The following FCHSD2 variants were observed in gnomAD, a reference collection of about 807,000 sequenced individuals.
The protein encoded by FCHSD2 is F-BAR and double SH3 domains protein 2.
Under a neutral mutation model 108.1 loss-of-function variants are expected in FCHSD2, and 38 were observed. The observed-to-expected ratio is 0.35, with a 90% CI of 0.27 to 0.46. The LOEUF (loss-of-function observed/expected upper bound fraction) is 0.46, where lower values mean the gene tolerates loss of function less well. FCHSD2 is among the 20% of genes least tolerant of loss of function. The probability of loss-of-function intolerance (pLI) is 1.00; values close to 1 mark genes in which losing one functional copy is unlikely to be tolerated. For synonymous variants in FCHSD2, 279 were observed against 314.7 expected, an observed-to-expected ratio of 0.89 and a Z score of 1.20; for missense variants, 751 against 897.8, an observed-to-expected ratio of 0.84 and a Z score of 2.09.
chr11:72,930,759 A>G (rs1856172998), intron 8 of FCHSD2, among the ~76,000 whole-genome samples: 1 of 152,138 alleles, frequency 6.6e-6, no homozygotes, highest in Non-Finnish European at 1.5e-5. Flanking sequence ...AAAACAAAAC[A>G]AAATGTAATT....
At chr11:72,981,433 A>T (rs1857214083) in intron 8 of FCHSD2, among the ~76,000 whole-genome samples, 1 of 152,230 alleles carries the variant, frequency 6.6e-6, no homozygotes, top group African/African-American at 2.4e-5. Context: ...ATTGAAGGCC[A>T]TCTTTTTTAG....
chr11:72,925,441 G>A (rs1271366389), intron 8 of FCHSD2, among the ~76,000 whole-genome samples: 1 of 152,148 alleles, frequency 6.6e-6, no homozygotes, highest in Non-Finnish European at 1.5e-5. Flanking sequence ...CAGGAAGACT[G>A]TTTGAGCCCA....
intron 4 of FCHSD2, among the ~76,000 whole-genome samples, chr11:73,013,892 C>T (rs1175774200): frequency 6.6e-6 from 1 of 152,190 alleles, no homozygotes; most frequent in African/African-American, 2.4e-5. Context: ...GGATTGCAGG[C>T]ATGAGCCACC....
intron 8 of FCHSD2, among the ~76,000 whole-genome samples, chr11:72,981,120 A>G (rs1056826299): frequency 6.6e-6 from 1 of 152,214 alleles, no homozygotes. Flanking sequence ...CTATAGAATT[A>G]GCATGAGGAA....
chr11:73,131,652 CA>C (rs1158050351), intron 2 of FCHSD2, among the ~76,000 whole-genome samples: 1 of 150,014 alleles, frequency 6.7e-6, no homozygotes, highest in East Asian at 1.9e-4. Context: ...TGCAGTAAGC[CA>C]AGATCGCACC....
intron 10 of FCHSD2, among the ~76,000 whole-genome samples, chr11:72,890,539 T>C (rs1469854402): frequency 2.6e-5 from 4 of 152,204 alleles, no homozygotes; most frequent in African/African-American, 9.6e-5. Context: ...CTAGATCAAA[T>C]GATCACCAAG....
intron 4 of FCHSD2, among the ~76,000 whole-genome samples, chr11:73,014,680 C>T (rs1857931999): frequency 6.6e-6 from 1 of 152,110 alleles, no homozygotes; most frequent in Admixed American, 6.6e-5. Flanking sequence ...ATACTAAGTT[C>T]TCAATTACCC....
At chr11:72,878,458 C>CAT (rs1189735060) in intron 12 of FCHSD2, among the ~76,000 whole-genome samples, 1 of 152,166 alleles carries the variant, frequency 6.6e-6, no homozygotes, top group African/African-American at 2.4e-5. Flanking sequence ...TGTCTAAATA[C>CAT]CATTTTCTAT....
At chr11:73,005,993 G>A (rs370091016) in intron 4 of FCHSD2, among the ~76,000 whole-genome samples, 53 of 147,374 alleles carry the variant, frequency 3.6e-4, no homozygotes, top group African/African-American at 1.3e-3. Context: ...CTACAGCCTC[G>A]AACCCCTGGA....
At chr11:73,104,406 A>G (rs1335540688) in intron 2 of FCHSD2, among the ~76,000 whole-genome samples, 2 of 152,010 alleles carry the variant, frequency 1.3e-5, no homozygotes, top group African/African-American at 2.4e-5. Context: ...AGTAGCTGGG[A>G]TTACAGACGC....
intron 3 of FCHSD2, among the ~76,000 whole-genome samples, chr11:73,051,193 T>C (rs1445613146): frequency 6.6e-6 from 1 of 152,122 alleles, no homozygotes; most frequent in East Asian, 1.9e-4. Flanking sequence ...TCACACATGG[T>C]GCTGCCAGTG....
Position 72,896,813 on chromosome 11 carries a change from G to A in FCHSD2, c.924+5730C>T, listed in dbSNP as rs150912808. ...AAAGAAAGAAATATGCTTGCCTTGT[G>A]GATTTTTGTTTTGTTTTGTTTTGTT... On this transcript the variant is annotated intron_variant, in intron 10 of 19. Transcript: ENST00000409418. Among the ~76,000 whole-genome samples, 264 of 149,594 alleles carry A rather than the reference G, an allele frequency of 1.8e-3. 2 individuals carry two copies. Among genetic ancestry groups the A allele is most frequent in the Non-Finnish European group, 2.9e-3 (194 of 67,422 alleles).
chr11:72,948,262 C>T (rs1468921449), intron 8 of FCHSD2, among the ~76,000 whole-genome samples: 1 of 152,212 alleles, frequency 6.6e-6, no homozygotes, highest in Non-Finnish European at 1.5e-5. Flanking sequence ...CCCACCTCAG[C>T]CTCCCAAAAT....
At chr11:72,979,889 A>T in intron 8 of FCHSD2, among the ~76,000 whole-genome samples, 1 of 152,214 alleles carries the variant, frequency 6.6e-6, no homozygotes, top group East Asian at 1.9e-4. Flanking sequence ...ATGTAACTCA[A>T]AAGACAGTCA....
At position 73,001,046 on chromosome 11, in the gene FCHSD2, A is replaced by G; in HGVS notation, c.331T>C (p.Phe111Leu). Reference sequence around the variant, plus strand: ...ACTGTCCTTGCAGGCTCAGAAATGAAGTTTTTATAGTTTTCACATATATTC... The same window carrying G: ...ACTGTCCTTGCAGGCTCAGAAATGAGGTTTTTATAGTTTTCACATATATTC... ...RMNICENYKN[F>L]ISEPARTVRS... The change falls in exon 5 of 20, where the codon TTC becomes CTC. Residue 111 changes from phenylalanine (F) to leucine (L), a missense_variant. By Grantham distance (22) the Phe-to-Leu change is conservative (BLOSUM62 0). Coordinates refer to ENST00000409418, the MANE Select transcript of FCHSD2 (RefSeq NM_014824.3). 6.2e-7 allele frequency: 1 copy of G among 1,612,758 alleles called. No homozygotes were observed. Among genetic ancestry groups the G allele is most frequent in the Non-Finnish European group, 8.5e-7 (1 of 1,179,372 alleles).
chr11:73,083,844 A>G, intron 2 of FCHSD2, 104 bp from the exon 3 acceptor site: 1 of 748,722 alleles, frequency 1.3e-6, no homozygotes, highest in Non-Finnish European at 2.3e-6. Flanking sequence ...TATGTGAGGG[A>G]AAGGACAATA....
At chr11:73,087,794 T>C (rs1859859282) in intron 2 of FCHSD2, among the ~76,000 whole-genome samples, 1 of 152,160 alleles carries the variant, frequency 6.6e-6, no homozygotes, top group Non-Finnish European at 1.5e-5. Context: ...ATACATTAGT[T>C]TCCTAGGCCT....
At chr11:72,850,490 A>C (rs1423008560) in intron 13 of FCHSD2, among the ~76,000 whole-genome samples, 1 of 151,506 alleles carries the variant, frequency 6.6e-6, no homozygotes, top group East Asian at 1.9e-4. Flanking sequence ...AGTAGCTGGG[A>C]CTACAGGTGC....
intron 3 of FCHSD2, among the ~76,000 whole-genome samples, chr11:73,051,868 AACACACACAC>A (rs61511109): frequency 0.024 from 3,367 of 141,718 alleles, 73 homozygotes; most frequent in African/African-American, 0.056. Flanking sequence ...ACGGTATATA[AACACACACAC>A]ACACACACAC....
Sources: gnomAD v4.1 joint callset for allele counts (sites outside exome capture counted in the v4.1 genomes callset) on GRCh38, gnomAD v4.1.1 for gene constraint, MANE v1.5 for transcripts, NCBI Gene and HGNC (gene_info 2026-07-23, HGNC 2026-07-21) for gene names.